RMDN1: variants seen among roughly 807,000 people sequenced by gnomAD.
The protein encoded by RMDN1 is regulator of microtubule dynamics protein 1.
A neutral mutation model predicts 48.9 loss-of-function variants in RMDN1; 48 were observed. The ratio of observed to expected loss-of-function variants is 0.98; its 90% confidence interval spans 0.78 to 1.25. RMDN1 has a LOEUF of 1.25. RMDN1 is among the 50% of genes most tolerant of loss of function. The pLI, the probability that RMDN1 is intolerant of heterozygous loss-of-function variation, is 0.00. For missense variants in RMDN1, 418 were observed against 373.4 expected (o/e 1.12, Z -0.98); for synonymous variants, 148 against 132.6 (o/e 1.12, Z -0.80).
chr8:86,473,168 T>G lies in RMDN1; in HGVS notation c.*1140A>C. On this transcript the variant is annotated 3_prime_UTR_variant, in exon 10 of 10. Transcript: ENST00000406452. ...TTCAGTTTTCCTTTTTGTTTGAAAATGTACATGACAAACATATCCATACAG... is the reference window on the plus strand; with the variant it reads ...TTCAGTTTTCCTTTTTGTTTGAAAAGGTACATGACAAACATATCCATACAG... 2.0e-6 allele frequency: 2 copies of G among 985,360 alleles called. No homozygotes were observed. The highest frequency in any genetic ancestry group is 2.4e-6 in the Non-Finnish European group (2 of 829,886). 61.0% of individuals were successfully genotyped at this position (985,360 alleles called of 1,614,324 possible). A position where few individuals can be genotyped will look rare whatever the true frequency, so the allele number is the denominator to read the frequency against.
At position 86,496,837 on chromosome 8, in the gene RMDN1, A is replaced by G. The variant is rs189308732; in HGVS notation, c.248-8198T>C. ...CCTACCCAAGAACAACAGAATGTAC[A>G]TTCTTCTCACCTGAGCACGGCACAC... On this transcript the variant is annotated intron_variant, in intron 2 of 9. Coordinates refer to ENST00000406452, the MANE Select transcript of RMDN1 (RefSeq NM_016033.3). 2.0e-3 allele frequency among the ~76,000 whole-genome samples: 302 copies of G among 152,290 alleles called. 3 individuals are homozygous for G. The highest frequency in any genetic ancestry group is 6.8e-3 in the Middle Eastern group (2 of 294).
upstream of RMDN1, among the ~76,000 whole-genome samples, chr8:86,509,867 C>G (rs1385922070): frequency 6.6e-6 from 1 of 152,142 alleles, no homozygotes; most frequent in Non-Finnish European, 1.5e-5. Flanking sequence ...TTCCCAACTT[C>G]TGAAACCTAG....
At chr8:86,477,171 A>G (rs1351687485) in intron 8 of RMDN1, 123 bp downstream of exon 8, 6 of 594,034 alleles carry the variant, frequency 1.0e-5, no homozygotes, top group South Asian at 4.2e-5. Context: ...ATTGTTTTAC[A>G]GTATCTAGCA....
chr8:86,489,820 ACT>A (rs1421851501), intron 2 of RMDN1, among the ~76,000 whole-genome samples: 2 of 138,172 alleles, frequency 1.4e-5, no homozygotes, highest in African/African-American at 5.5e-5. Flanking sequence ...ATACAGCAAG[ACT>A]CTGTCTCAAA....
At chr8:86,497,893 C>T (rs568019166) in intron 2 of RMDN1, among the ~76,000 whole-genome samples, 12 of 151,654 alleles carry the variant, frequency 7.9e-5, no homozygotes, top group South Asian at 2.1e-4. Flanking sequence ...GTGGGGAGTT[C>T]GAGACAGCCT....
chr8:86,474,907 T>C lies in RMDN1; in HGVS notation c.807A>G (p.Thr269=), dbSNP rs777577030. ...YSKNLLLLGK[T]YLKLHNKKLA... is the part of the protein sequence containing the mutation. Reference sequence around the variant, plus strand: ...GCTTTTTGTTGTGTAGTTTCAAGTATGTCTTTCCTAAAAGAAGTAAGTTTT... The same window carrying C: ...GCTTTTTGTTGTGTAGTTTCAAGTACGTCTTTCCTAAAAGAAGTAAGTTTT... Residue 269 remains threonine, a synonymous_variant, in exon 9 of 10, where the codon ACA becomes ACG. Coordinates refer to ENST00000406452, the MANE Select transcript of RMDN1 (RefSeq NM_016033.3). 4.3e-6 allele frequency: 7 copies of C among 1,612,176 alleles called. No homozygotes were observed. The Admixed American group carries it at 8.4e-5, about 19-fold the overall frequency.
chr8:86,507,160 G>A, intron 1 of RMDN1, 48 bp from the exon 2 acceptor site: 1 of 1,191,936 alleles, frequency 8.4e-7, no homozygotes, highest in East Asian at 2.3e-5. Flanking sequence ...AAATTTGAAG[G>A]TACTGCTACC....
chr8:86,481,514 T>C (rs1814424497), intron 5 of RMDN1, among the ~76,000 whole-genome samples: 1 of 151,768 alleles, frequency 6.6e-6, no homozygotes, highest in African/African-American at 2.4e-5. Context: ...AGGAAGTTAA[T>C]TCATCACAAT....
Position 86,474,927 on chromosome 8 carries a change from A to C in RMDN1, c.787T>G (p.Leu263Val). 1 of 1,610,296 alleles carries C rather than the reference A, an allele frequency of 6.2e-7. No individual in the cohort carries two copies. Among genetic ancestry groups the C allele is most frequent in the Non-Finnish European group, 8.5e-7 (1 of 1,178,998 alleles). Residue 263 changes from leucine (L) to valine (V), a missense_variant, in exon 9 of 10, where the codon TTA becomes GTA. Transcript: ENST00000406452. ...QVDPNFYSKN[L>V]LLLGKTYLKL... ...AAGTATGTCTTTCCTAAAAGAAGTA[A>C]GTTTTTGCTGTAGAAGTTTGGATCC...
intron 7 of RMDN1, chr8:86,478,715 T>C: frequency 3.7e-6 from 2 of 533,376 alleles, no homozygotes; most frequent in Non-Finnish European, 3.3e-6. Flanking sequence ...TATTCCAGAA[T>C]TACCAGCCAC....
chr8:86,482,779 CAA>C, intron 5 of RMDN1: 1 of 913,504 alleles, frequency 1.1e-6, no homozygotes. Context: ...CCCAATGTGA[CAA>C]GTAGTGGCAT....
Position 86,490,792 on chromosome 8 carries a change from A to T in RMDN1, c.248-2153T>A, listed in dbSNP as rs1816357799. 2.0e-5 allele frequency among the ~76,000 whole-genome samples: 3 copies of T among 152,310 alleles called. No homozygotes were observed. In the South Asian group the frequency reaches 6.2e-4, roughly 32 times the overall value. On this transcript the variant is annotated intron_variant, in intron 2 of 9. Transcript: ENST00000406452. Reference sequence around the variant, plus strand: ...ATATTCATTGATTATTCTCTGACTTACTAAAAAGACTAATTACTGTCCTTA... The same window carrying T: ...ATATTCATTGATTATTCTCTGACTTTCTAAAAAGACTAATTACTGTCCTTA...
chr8:86,500,584 T>G (rs1411159935), intron 2 of RMDN1, among the ~76,000 whole-genome samples: 3 of 150,958 alleles, frequency 2.0e-5, no homozygotes, highest in South Asian at 2.1e-4. Context: ...ACTTATACAC[T>G]GCTGGTGGGA....
chr8:86,508,859 T>A, upstream of RMDN1: 2 of 1,175,706 alleles, frequency 1.7e-6, no homozygotes, highest in Non-Finnish European at 2.1e-6. Context: ...CGTCCAGGAC[T>A]GAGGCCGTGA....
At chr8:86,471,969 G>GA (rs1175759220), downstream of RMDN1, among the ~76,000 whole-genome samples, 2 of 152,198 alleles carry the variant, frequency 1.3e-5, no homozygotes, top group African/African-American at 4.8e-5. Context: ...CCTGATTTTA[G>GA]AAAGCATGAG....
intron 2 of RMDN1, among the ~76,000 whole-genome samples, chr8:86,490,900 A>G (rs1030796084): frequency 1.3e-5 from 2 of 151,986 alleles, no homozygotes; most frequent in East Asian, 1.9e-4. Flanking sequence ...GCTCACGCCT[A>G]TACTCCCAAC....
intron 6 of RMDN1, 35 bp from the exon 7 acceptor site, chr8:86,479,045 T>G (rs1813879921): frequency 2.8e-6 from 4 of 1,451,214 alleles, no homozygotes; most frequent in Non-Finnish European, 3.9e-6. Flanking sequence ...TACATTCAAA[T>G]TGTACCTTCT....
intron 2 of RMDN1, among the ~76,000 whole-genome samples, chr8:86,500,806 T>C (rs920528568): frequency 6.6e-6 from 1 of 152,194 alleles, no homozygotes; most frequent in Non-Finnish European, 1.5e-5. Flanking sequence ...TGCCCATCAA[T>C]GGTGAACTGG....
downstream of RMDN1, chr8:86,468,694 G>C (rs1315075247): frequency 2.2e-6 from 1 of 456,206 alleles, no homozygotes. Flanking sequence ...CACTAGGTGA[G>C]GCTACACAGA....
Sources: allele counts gnomAD v4.1 joint callset (sites outside exome capture counted in the v4.1 genomes callset), GRCh38; gene constraint gnomAD v4.1.1; transcripts MANE v1.5; gene names NCBI Gene and HGNC (gene_info 2026-07-23, HGNC 2026-07-21).